ZBTB25: variants seen among roughly 807,000 people sequenced by gnomAD.
ZBTB25 encodes the protein zinc finger and BTB domain containing 25, also known as zinc finger and BTB domain-containing protein 25.
A neutral mutation model predicts 34.2 loss-of-function variants in ZBTB25; 20 were observed. The observed-to-expected ratio is 0.58, with a 90% CI of 0.41 to 0.85. ZBTB25 has a LOEUF of 0.85. Ranked by LOEUF, ZBTB25 falls within the 40% of genes least tolerant of loss-of-function variation. ZBTB25 has a pLI of 0.00. For synonymous variants in ZBTB25, 175 were observed against 186.4 expected (o/e 0.94, Z 0.50); for missense variants, 437 against 521.8 (o/e 0.84, Z 1.58).
chr14:64,461,591 T>TTTTTTGGG (rs1596579363), intron 2 of ZBTB25: 1 of 133,534 alleles, frequency 7.5e-6, no homozygotes, highest in African/African-American at 2.8e-5. Flanking sequence ...TTTTTTTTTT[T>TTTTTTGGG]GGCAGGGGGG....
At chr14:64,501,337 G>A (rs2079490489) in intron 1 of ZBTB25, among the ~76,000 whole-genome samples, 1 of 152,158 alleles carries the variant, frequency 6.6e-6, no homozygotes, top group African/African-American at 2.4e-5. Flanking sequence ...TTTTACAAAT[G>A]AGGAAAAATC....
In ZBTB25 at chr14:64,479,115, A is replaced by G. The variant is rs1194670058; in HGVS notation, c.*7808T>C. 1.3e-5 allele frequency: 2 copies of G among 152,180 alleles called. No homozygotes were observed. The highest frequency in any genetic ancestry group is 2.9e-5 in the Non-Finnish European group (2 of 68,036). 9.4% of individuals were successfully genotyped at this position (152,180 alleles called of 1,614,324 possible). A position where few individuals can be genotyped will look rare whatever the true frequency, so the allele number is the denominator to read the frequency against. ...TAGAATTTAATTCTGAACACATCTCATACTCCAATACTTGCTCTAAACATG... is the reference window on the plus strand; with the variant it reads ...TAGAATTTAATTCTGAACACATCTCGTACTCCAATACTTGCTCTAAACATG... On this transcript the variant is annotated 3_prime_UTR_variant, in exon 3 of 3. Transcript: ENST00000608382.
intron 2 of ZBTB25, chr14:64,468,924 A>C: frequency 6.2e-7 from 1 of 1,614,214 alleles, no homozygotes; most frequent in Middle Eastern, 1.6e-4. Context: ...ACAAAGGCTA[A>C]GTCAACCCAG....
chr14:64,468,785 A>C lies in ZBTB25; in HGVS notation c.174-19147T>G, dbSNP rs1421635557. On this transcript the variant is annotated intron_variant, in intron 2 of 2. Transcript: ENST00000555220. The stretch of plus-strand genomic sequence containing the variant: ...ATCTAGACTTAAGATTCCCTGCATA[A>C]AATTCCCAAGAGGGCCAAAAAGGAG... 1.9e-6 allele frequency: 3 copies of C among 1,614,194 alleles called. No homozygotes were observed. In the South Asian group the frequency reaches 3.3e-5, roughly 18 times the overall value.
chr14:64,458,166 C>A, intron 2 of ZBTB25: 1 of 1,411,386 alleles, frequency 7.1e-7, no homozygotes, highest in Non-Finnish European at 1.0e-6. Flanking sequence ...TAGGCGTGAG[C>A]CACTGTGCCC....
chr14:64,493,084 T>C (rs2141038228), intron 1 of ZBTB25, among the ~76,000 whole-genome samples: 1 of 152,190 alleles, frequency 6.6e-6, no homozygotes, highest in South Asian at 2.1e-4. Context: ...GGATTCAGCT[T>C]GGCATAGAAA....
intron 2 of ZBTB25, chr14:64,454,933 T>TTGC: frequency 6.4e-7 from 1 of 1,573,714 alleles, no homozygotes; most frequent in East Asian, 2.2e-5. Context: ...CTGAAGTGTG[T>TTGC]TGCCGAAACC....
chr14:64,458,466 G>A, intron 2 of ZBTB25: 1 of 677,920 alleles, frequency 1.5e-6, no homozygotes, highest in Non-Finnish European at 2.7e-6. Context: ...ATGAGAGTTG[G>A]CAATAACCAA....
intron 1 of ZBTB25, among the ~76,000 whole-genome samples, chr14:64,498,693 G>A (rs1480233855): frequency 6.6e-6 from 1 of 151,720 alleles, no homozygotes; most frequent in Non-Finnish European, 1.5e-5. Context: ...GAGTGCAGTG[G>A]CACGATCTCG....
upstream of ZBTB25, chr14:64,504,513 A>T (rs1329901817): frequency 3.0e-5 from 5 of 167,184 alleles, no homozygotes; most frequent in Non-Finnish European, 6.4e-5. Flanking sequence ...AGGGGTGGTC[A>T]AGCCGCCGCC....
rs1395769590 is a variant in ZBTB25, at chr14:64,478,975, T to G, written c.*7948A>C. 6.6e-6 allele frequency: 1 copy of G among 152,226 alleles called. No homozygotes were observed. The highest frequency in any genetic ancestry group is 1.5e-5 in the Non-Finnish European group (1 of 68,036). The allele number at this position is 152,226 out of a possible 1,614,324, so 9.4% of individuals were successfully genotyped here. A position where few individuals can be genotyped will look rare whatever the true frequency, so the allele number is the denominator to read the frequency against. On this transcript the variant is annotated 3_prime_UTR_variant, in exon 3 of 3. Coordinates refer to ENST00000608382, the MANE Select transcript of ZBTB25 (RefSeq NM_006977.5). ...TAGTTCAAACATTATATGAATAGAT[T>G]CAAAACTGTCTTGCTGATTAATACA... is the stretch of plus-strand genomic sequence containing the variant.
chr14:64,500,193 C>G (rs766028856), intron 1 of ZBTB25, among the ~76,000 whole-genome samples: 1 of 152,032 alleles, frequency 6.6e-6, no homozygotes, highest in African/African-American at 2.4e-5. Flanking sequence ...AATTATAATG[C>G]TAGTACAGAC....
In ZBTB25 at chr14:64,485,126, C is replaced by A. The variant is rs1268057831; in HGVS notation, c.*1797G>T. 3.0e-6 allele frequency: 3 copies of A among 985,426 alleles called. No homozygotes were observed. The highest frequency in any genetic ancestry group is 2.4e-6 in the Non-Finnish European group (2 of 829,930). 61.0% of individuals were successfully genotyped at this position (985,426 alleles called of 1,614,324 possible). On this transcript the variant is annotated 3_prime_UTR_variant, in exon 3 of 3. Coordinates refer to ENST00000608382, the MANE Select transcript of ZBTB25 (RefSeq NM_006977.5). ...TCATTCAATCCTCAAGAAAAACTTA[C>A]CACTTTGTAATTTACCTAAACTGTT... is the stretch of plus-strand genomic sequence containing the variant.
intron 1 of ZBTB25, chr14:64,503,128 C>A: frequency 1.0e-6 from 1 of 985,432 alleles, no homozygotes; most frequent in Non-Finnish European, 1.2e-6. Context: ...ATGGGTCAAG[C>A]TTCAAAAAGA....
chr14:64,498,614 T>C (rs1404197862), intron 1 of ZBTB25, among the ~76,000 whole-genome samples: 1 of 147,970 alleles, frequency 6.8e-6, no homozygotes, highest in African/African-American at 2.5e-5. Flanking sequence ...CCCGGCCAGA[T>C]TGTTTATTTG....
chr14:64,466,003 G>C (rs2078609418), intron 2 of ZBTB25, among the ~76,000 whole-genome samples: 1 of 152,132 alleles, frequency 6.6e-6, no homozygotes, highest in South Asian at 2.1e-4. Flanking sequence ...CCTGCGCTCT[G>C]TCTCCTGCCA....
intron 1 of ZBTB25, among the ~76,000 whole-genome samples, chr14:64,492,253 C>T (rs1392380293): frequency 6.6e-6 from 1 of 151,188 alleles, no homozygotes; most frequent in Non-Finnish European, 1.5e-5. Context: ...GTTGACCAGG[C>T]TGGAGTGCAA....
chr14:64,504,701 G>A (rs1045441157), upstream of ZBTB25: 3 of 369,004 alleles, frequency 8.1e-6, no homozygotes, highest in Admixed American at 4.6e-5. Flanking sequence ...CAGACCCGGA[G>A]TCGCCGCGTA....
chr14:64,457,956 T>C, intron 2 of ZBTB25: 1 of 572,866 alleles, frequency 1.7e-6, no homozygotes, highest in Non-Finnish European at 3.1e-6. Flanking sequence ...AATCGGATGA[T>C]CATGGCTCAC....
Sources: gnomAD v4.1 joint callset for allele counts (sites outside exome capture counted in the v4.1 genomes callset) on GRCh38, gnomAD v4.1.1 for gene constraint, MANE v1.5 for transcripts, NCBI Gene and HGNC (gene_info 2026-07-23, HGNC 2026-07-21) for gene names.